AGBL4: variants seen among roughly 807,000 people sequenced by gnomAD.
AGBL4 encodes the protein AGBL carboxypeptidase 4.
AGBL4 carries 58 observed loss-of-function variants against 66.4 expected under a neutral mutation model. That is an observed-to-expected ratio of 0.87 (90% CI 0.71 to 1.09). The LOEUF is 1.09. AGBL4 is among the 50% of genes least tolerant of loss of function. The probability of loss-of-function intolerance (pLI) is 0.00; values close to 1 mark genes in which losing one functional copy is unlikely to be tolerated. For synonymous variants in AGBL4, 234 were observed against 222.9 expected (o/e 1.05, Z -0.44); for missense variants, 579 against 631.0 (o/e 0.92, Z 0.88).
intron 4 of AGBL4, among the ~76,000 whole-genome samples, chr1:49,122,763 A>G (rs959377763): frequency 6.6e-6 from 1 of 152,172 alleles, no homozygotes; most frequent in Admixed American, 6.5e-5. Context: ...AATGTTTTTT[A>G]TAAGGATTGA....
chr1:49,263,366 A>T (rs1653412976), intron 3 of AGBL4, among the ~76,000 whole-genome samples: 1 of 152,148 alleles, frequency 6.6e-6, no homozygotes, highest in African/African-American at 2.4e-5. Flanking sequence ...AAACAAAAAA[A>T]GATAAAAAAA....
chr1:48,699,080 A>G (rs1414659825), intron 6 of AGBL4, among the ~76,000 whole-genome samples: 1 of 152,156 alleles, frequency 6.6e-6, no homozygotes, highest in Non-Finnish European at 1.5e-5. Flanking sequence ...CTCTAGGAGG[A>G]GGACATCCAT....
chr1:49,275,315 A>C (rs1212978445), intron 3 of AGBL4, among the ~76,000 whole-genome samples: 1 of 152,130 alleles, frequency 6.6e-6, no homozygotes, highest in African/African-American at 2.4e-5. Context: ...CATGCACCCC[A>C]AGATTTTGGG....
In AGBL4 at chr1:48,935,945, C is replaced by T. The variant is rs183230107; in HGVS notation, c.595-68715G>A. On this transcript the variant is annotated intron_variant, in intron 5 of 13. Transcript: ENST00000371839. Reference sequence around the variant, plus strand: ...CTGCCCTCCAGCCTGGGTGACAGAGCGAGACTCTGTCTGAAAAAAAAAAAA... The same window carrying T: ...CTGCCCTCCAGCCTGGGTGACAGAGTGAGACTCTGTCTGAAAAAAAAAAAA... 4.5e-3 allele frequency among the ~76,000 whole-genome samples: 442 copies of T among 98,636 alleles called. 3 individuals carry two copies. The highest frequency in any genetic ancestry group is 0.016 in the African/African-American group (408 of 25,286). The allele number at this position is 98,636 out of a possible 152,430, so 64.7% of individuals were successfully genotyped here. A position where few individuals can be genotyped will look rare whatever the true frequency, so the allele number is the denominator to read the frequency against.
At chr1:49,618,671 AG>A (rs935920656) in intron 3 of AGBL4, among the ~76,000 whole-genome samples, 1 of 152,210 alleles carries the variant, frequency 6.6e-6, no homozygotes, top group Non-Finnish European at 1.5e-5. Flanking sequence ...CAACAAAAAA[AG>A]AGTATTTCAG....
At chr1:48,892,140 C>G (rs1022908622) in intron 5 of AGBL4, among the ~76,000 whole-genome samples, 1 of 152,126 alleles carries the variant, frequency 6.6e-6, no homozygotes, top group Admixed American at 6.5e-5. Flanking sequence ...CCTCTTCCAG[C>G]TTCTGGTGGT....
chr1:48,982,780 G>A (rs1238765911), intron 5 of AGBL4, among the ~76,000 whole-genome samples: 1 of 152,132 alleles, frequency 6.6e-6, no homozygotes, highest in Non-Finnish European at 1.5e-5. Flanking sequence ...TTGCCACACT[G>A]ACTTCCCCAA....
chr1:48,823,467 C>A (rs1646359784), intron 6 of AGBL4, among the ~76,000 whole-genome samples: 1 of 152,228 alleles, frequency 6.6e-6, no homozygotes, highest in Non-Finnish European at 1.5e-5. Flanking sequence ...TTACCAATCA[C>A]CTTTCCTGAT....
chr1:49,157,868 C>T (rs556607188), intron 4 of AGBL4, among the ~76,000 whole-genome samples: 20 of 152,124 alleles, frequency 1.3e-4, no homozygotes, highest in South Asian at 2.1e-4. Context: ...CTTAGCTGCA[C>T]GTATATGTTC....
chr1:48,729,017 G>A lies in AGBL4; in HGVS notation c.635-65776C>T, dbSNP rs150084273. 4.4e-3 allele frequency among the ~76,000 whole-genome samples: 665 copies of A among 152,238 alleles called. 5 individuals carry two copies. Among genetic ancestry groups the A allele is most frequent in the African/African-American group, 0.015 (636 of 41,528 alleles). On this transcript the variant is annotated intron_variant, in intron 6 of 13. Transcript: ENST00000371839. ...TCCAGACAAGGTCTGGCTGGAGCCC[G>A]ACTTCAATTGACTGCCTAGCCTGGG... is the stretch of plus-strand genomic sequence containing the variant.
chr1:48,648,117 A>T (rs1011805900), intron 8 of AGBL4, among the ~76,000 whole-genome samples: 2 of 152,130 alleles, frequency 1.3e-5, no homozygotes, highest in African/African-American at 4.8e-5. Context: ...TGATGGCATT[A>T]AACACATTCA....
At chr1:49,249,124 G>A (rs1172625503) in intron 3 of AGBL4, among the ~76,000 whole-genome samples, 1 of 152,080 alleles carries the variant, frequency 6.6e-6, no homozygotes, top group Non-Finnish European at 1.5e-5. Flanking sequence ...CCTAAAGAGT[G>A]GCCTTGATTC....
intron 6 of AGBL4, among the ~76,000 whole-genome samples, chr1:48,864,312 A>C (rs1472158763): frequency 1.3e-5 from 2 of 152,202 alleles, no homozygotes; most frequent in Non-Finnish European, 2.9e-5. Context: ...CTGCAGAGGA[A>C]TGAAAACTCT....
At chr1:48,691,745 C>G (rs1243609479) in intron 6 of AGBL4, among the ~76,000 whole-genome samples, 3 of 152,316 alleles carry the variant, frequency 2.0e-5, no homozygotes, top group Non-Finnish European at 4.4e-5. Context: ...GAGCAGAAGA[C>G]AGCTGCCCAG....
At chr1:49,321,891 T>C (rs1645138892) in intron 3 of AGBL4, among the ~76,000 whole-genome samples, 1 of 152,232 alleles carries the variant, frequency 6.6e-6, no homozygotes, top group Non-Finnish European at 1.5e-5. Flanking sequence ...AAGCGTTTAA[T>C]TGCTTATGTG....
chr1:49,818,164 G>T (rs1269272337), intron 2 of AGBL4, among the ~76,000 whole-genome samples: 1 of 151,988 alleles, frequency 6.6e-6, no homozygotes, highest in Non-Finnish European at 1.5e-5. Context: ...TTAGCTTCCT[G>T]GTGGTAACAA....
At chr1:48,579,337 T>C (rs1477538551) in intron 11 of AGBL4, among the ~76,000 whole-genome samples, 2 of 151,924 alleles carry the variant, frequency 1.3e-5, no homozygotes, top group African/African-American at 4.8e-5. Context: ...AAGTGATTCT[T>C]CTATCTCAGC....
At chr1:49,340,448 C>T (rs1468140417) in intron 3 of AGBL4, among the ~76,000 whole-genome samples, 1 of 152,094 alleles carries the variant, frequency 6.6e-6, no homozygotes, top group African/African-American at 2.4e-5. Flanking sequence ...CAAATGAAAA[C>T]AAGGATTAAC....
At chr1:48,568,302 T>C (rs527858100) in intron 11 of AGBL4, among the ~76,000 whole-genome samples, 5 of 152,280 alleles carry the variant, frequency 3.3e-5, no homozygotes, top group African/African-American at 1.2e-4. Flanking sequence ...TCTCTCTCTC[T>C]CTCTCTCTCT....
Sources: gnomAD v4.1 joint callset for allele counts (sites outside exome capture counted in the v4.1 genomes callset) on GRCh38, gnomAD v4.1.1 for gene constraint, MANE v1.5 for transcripts, NCBI Gene and HGNC (gene_info 2026-07-23, HGNC 2026-07-21) for gene names.